The following TOPAZ1 variants were observed in gnomAD, a reference collection of about 807,000 sequenced individuals.
The protein encoded by TOPAZ1 is testis and ovary specific TOPAZ 1.
Under a neutral mutation model 172.2 loss-of-function variants are expected in TOPAZ1, and 66 were observed. The ratio of observed to expected loss-of-function variants is 0.38; its 90% confidence interval spans 0.31 to 0.47. TOPAZ1 has a LOEUF of 0.47. Ranked by LOEUF, TOPAZ1 falls within the 20% of genes least tolerant of loss-of-function variation. The pLI, the probability that TOPAZ1 is intolerant of heterozygous loss-of-function variation, is 0.99. For synonymous variants in TOPAZ1, 681 were observed against 683.9 expected (o/e 1.00, Z 0.07); for missense variants, 1,822 against 1,972.4 (o/e 0.92, Z 1.44).
intron 8 of TOPAZ1, among the ~76,000 whole-genome samples, chr3:44,276,574 T>A (rs1349157484): frequency 6.6e-6 from 1 of 150,596 alleles, no homozygotes; most frequent in African/African-American, 2.4e-5. Context: ...GTTTACTGTA[T>A]CCTTATAATG....
intron 9 of TOPAZ1, among the ~76,000 whole-genome samples, chr3:44,287,053 G>T (rs939151704): frequency 6.6e-6 from 1 of 152,160 alleles, no homozygotes; most frequent in African/African-American, 2.4e-5. Flanking sequence ...CCTTGCATAT[G>T]TACCAAGGCT....
In TOPAZ1 at chr3:44,331,949, C is replaced by A; in HGVS notation, c.5017C>A (p.Leu1673Met). 1 of 1,550,506 alleles carries A rather than the reference C, an allele frequency of 6.4e-7. No homozygotes were observed. The change falls in exon 20 of 20, where the codon CTG (leucine) becomes ATG (methionine). Residue 1673 changes from leucine (L) to methionine (M), a missense_variant. By Grantham distance (15) the Leu-to-Met change is conservative (BLOSUM62 2). Coordinates refer to ENST00000309765, the MANE Select transcript of TOPAZ1 (RefSeq NM_001145030.2). ...QVYSLEHCSA[L>M]KWLKENMKWA... The stretch of plus-strand genomic sequence containing the variant: ...TTATAGTTTGGAACATTGTTCTGCC[C>A]TGAAATGGTTAAAAGAGAATATGAA...
At chr3:44,336,437 A>G (rs901818711), downstream of TOPAZ1, among the ~76,000 whole-genome samples, 1 of 152,188 alleles carries the variant, frequency 6.6e-6, no homozygotes, top group African/African-American at 2.4e-5. Flanking sequence ...CCGTGTATCT[A>G]TGAGTAACAT....
chr3:44,281,651 A>G lies in TOPAZ1; in HGVS notation c.3373-317A>G, dbSNP rs80117844. On this transcript the variant is annotated intron_variant, in intron 8 of 19. Coordinates refer to ENST00000309765, the MANE Select transcript of TOPAZ1 (RefSeq NM_001145030.2). ...TCAAAAAGACCATCTTTTCCCCGCT[A>G]CACTACAGTGATACCATGTTATAAA... is the stretch of plus-strand genomic sequence containing the variant. Among the ~76,000 whole-genome samples the G allele has an allele frequency of 6.5e-3, 992 of 152,304 alleles. 4 individuals carry two copies. The highest frequency in any genetic ancestry group is 0.016 in the South Asian group (79 of 4,832).
At chr3:44,310,905 A>C (rs181213817) in intron 16 of TOPAZ1, among the ~76,000 whole-genome samples, 1 of 152,372 alleles carries the variant, frequency 6.6e-6, no homozygotes, top group Admixed American at 6.5e-5. Flanking sequence ...AAATAAGGTT[A>C]GTTTGGTATG....
chr3:44,286,451 G>A (rs1256845750), intron 9 of TOPAZ1, among the ~76,000 whole-genome samples: 1 of 152,058 alleles, frequency 6.6e-6, no homozygotes, highest in Non-Finnish European at 1.5e-5. Flanking sequence ...TATGTGTCCA[G>A]GGAAAATAAT....
chr3:44,254,581 C>T (rs948333256), intron 2 of TOPAZ1, among the ~76,000 whole-genome samples: 4 of 138,234 alleles, frequency 2.9e-5, no homozygotes, highest in East Asian at 4.1e-4. Context: ...GAGCCAAGAT[C>T]GCGCCATTGC....
chr3:44,328,183 A>C, intron 18 of TOPAZ1, 67 bp from the exon 19 acceptor site: 1 of 982,556 alleles, frequency 1.0e-6, no homozygotes, highest in Non-Finnish European at 1.4e-6. Flanking sequence ...GCCTGTAGGT[A>C]TTTCAGAAAT....
At chr3:44,327,618 C>A (rs370209587) in intron 18 of TOPAZ1, among the ~76,000 whole-genome samples, 8 of 152,218 alleles carry the variant, frequency 5.3e-5, no homozygotes, top group African/African-American at 1.9e-4. Context: ...CTATAAATAA[C>A]TGTGCTCAAA....
At chr3:44,323,043 A>G in intron 17 of TOPAZ1, 49 bp from the exon 18 acceptor site, 1 of 1,316,658 alleles carries the variant, frequency 7.6e-7, no homozygotes, top group Non-Finnish European at 1.0e-6. Flanking sequence ...TGGAGGTTTG[A>G]GACACTTTAA....
At chr3:44,304,502 G>A (rs1700312748) in intron 13 of TOPAZ1, among the ~76,000 whole-genome samples, 1 of 152,126 alleles carries the variant, frequency 6.6e-6, no homozygotes, top group Admixed American at 6.6e-5. Flanking sequence ...AAGAAATGAG[G>A]ACCTTCAGGA....
Position 44,309,805 on chromosome 3 carries a change from GTTCT to G in TOPAZ1, c.4141-17_4141-14del. ...TGTAAATGATTGATACCCAATTAGT[GTTCT>G]TTATTTTTATTCTAGGGAAGGAAGG... On this transcript the variant is annotated splice_polypyrimidine_tract_variant and intron_variant, in intron 15 of 19. Coordinates refer to ENST00000309765, the MANE Select transcript of TOPAZ1 (RefSeq NM_001145030.2). 3 of 1,444,448 alleles carry G rather than the reference GTTCT, an allele frequency of 2.1e-6. No individual in the cohort carries two copies. Among genetic ancestry groups the G allele is most frequent in the Non-Finnish European group, 2.8e-6 (3 of 1,073,634 alleles). 89.5% of individuals were successfully genotyped at this position (1,444,448 alleles called of 1,614,324 possible).
rs1699526027 is a variant in TOPAZ1, at chr3:44,244,056, A to C, written c.1550A>C (p.Tyr517Ser). 5.2e-6 allele frequency: 8 copies of C among 1,551,818 alleles called. No homozygotes were observed. In the East Asian group the frequency reaches 2.0e-4, roughly 38 times the overall value. The change falls in exon 2 of 20, where the codon TAC becomes TCC. Residue 517 changes from tyrosine (Y) to serine (S), a missense_variant. Tyr to Ser is a moderately radical substitution (Grantham distance 144). Around this residue, in one of 2 missense-constraint regions of TOPAZ1, gnomAD observed 1,489 missense variants for 1,490.8 expected, o/e 1.00. Transcript: ENST00000309765. ...WKKASLPESS[Y>S]FLRGSQESCR... ...AAGGCTTCCTTGCCAGAATCAAGTT[A>C]CTTTCTTCGTGGGTCTCAGGAAAGT... is the stretch of plus-strand genomic sequence containing the variant.
At chr3:44,257,414 TTATATA>T (rs1699724066) in intron 4 of TOPAZ1, among the ~76,000 whole-genome samples, 1 of 123,810 alleles carries the variant, frequency 8.1e-6, no homozygotes, top group African/African-American at 3.6e-5. Flanking sequence ...TGTGTCTATT[TTATATA>T]TTTTATATAT....
intron 18 of TOPAZ1, 70 bp downstream of exon 18, chr3:44,323,365 T>C: frequency 1.1e-6 from 1 of 950,064 alleles, no homozygotes; most frequent in South Asian, 2.0e-5. Context: ...ATTTATAATA[T>C]ATAAGATTAG....
intron 12 of TOPAZ1, among the ~76,000 whole-genome samples, chr3:44,292,580 A>G (rs2125694765): frequency 6.6e-6 from 1 of 152,276 alleles, no homozygotes; most frequent in Admixed American, 6.5e-5. Flanking sequence ...ACTGAACTTC[A>G]CCCTTCATGC....
intron 9 of TOPAZ1, among the ~76,000 whole-genome samples, chr3:44,285,409 T>C (rs1311326850): frequency 1.3e-5 from 2 of 151,830 alleles, no homozygotes; most frequent in Non-Finnish European, 2.9e-5. Flanking sequence ...GAGGTTGCAG[T>C]GAGCCGAGAT....
chr3:44,295,474 A>G (rs759649021), intron 12 of TOPAZ1, among the ~76,000 whole-genome samples: 2 of 152,188 alleles, frequency 1.3e-5, no homozygotes, highest in Non-Finnish European at 1.5e-5. Flanking sequence ...GGCAGAATAT[A>G]TATAAAAGTA....
chr3:44,300,683 A>G (rs1275337123), intron 12 of TOPAZ1, among the ~76,000 whole-genome samples: 1 of 152,190 alleles, frequency 6.6e-6, no homozygotes, highest in Admixed American at 6.5e-5. Context: ...AAAATGGTAC[A>G]GCCACTCTGA....
Sources: gnomAD v4.1 joint callset for allele counts (sites outside exome capture counted in the v4.1 genomes callset) on GRCh38, gnomAD v4.1.1 for gene constraint, gnomAD v4.1.1 regional missense constraint, MANE v1.5 for transcripts, NCBI Gene and HGNC (gene_info 2026-07-23, HGNC 2026-07-21) for gene names.